Variants in PID1 observed in about 807,000 individuals in gnomAD.
PID1 encodes phosphotyrosine interaction domain containing 1, also known as PTB-containing, cubilin and LRP1-interacting protein.
A neutral mutation model predicts 19.1 loss-of-function variants in PID1; 10 were observed. The ratio of observed to expected loss-of-function variants is 0.52; its 90% CI spans 0.32 to 0.89. The LOEUF is 0.89. Among genes scored for constraint, PID1 ranks in the 40% least tolerant of loss-of-function variants. The probability of loss-of-function intolerance (pLI) is 0.03; values close to 1 mark genes in which losing one functional copy is unlikely to be tolerated. For missense variants in PID1, 248 were observed against 285.3 expected, an observed-to-expected ratio of 0.87 and a Z score of 0.94; for synonymous variants, 130 against 116.0, an observed-to-expected ratio of 1.12 and a Z score of -0.78.
At chr2:229,196,139 A>C (rs895549069) in intron 1 of PID1, among the ~76,000 whole-genome samples, 2 of 152,074 alleles carry the variant, frequency 1.3e-5, no homozygotes, top group African/African-American at 4.8e-5. Context: ...AAAAATCATA[A>C]CTCAGTAATA....
At position 229,118,125 on chromosome 2, in the gene PID1, G is replaced by A. The variant is rs115218275; in HGVS notation, c.177+37693C>T. 4.3e-4 allele frequency among the ~76,000 whole-genome samples: 66 copies of A among 152,228 alleles called. 1 individual carries two copies. Among genetic ancestry groups the A allele is most frequent in the African/African-American group, 1.5e-3 (64 of 41,546 alleles). On this transcript the variant is annotated intron_variant, in intron 2 of 2. Coordinates refer to ENST00000392055, the MANE Select transcript of PID1 (RefSeq NM_001100818.2). ...TCAATAAATACTTGAGGAGTAAATC[G>A]ATAAATGAATGAATGCATCACAAAG...
intron 1 of PID1, among the ~76,000 whole-genome samples, chr2:229,226,651 G>C (rs1692083354): frequency 1.3e-5 from 2 of 152,152 alleles, no homozygotes; most frequent in African/African-American, 4.8e-5. Flanking sequence ...CAACACCCAA[G>C]TGTACGAGGA....
intron 1 of PID1, among the ~76,000 whole-genome samples, chr2:229,194,036 T>C (rs2106234104): frequency 1.3e-5 from 2 of 152,248 alleles, no homozygotes; most frequent in Middle Eastern, 6.8e-3. Flanking sequence ...CTCCAGTCCC[T>C]TGCCACCAAG....
At chr2:229,202,319 T>C (rs1691515683) in intron 1 of PID1, among the ~76,000 whole-genome samples, 1 of 152,094 alleles carries the variant, frequency 6.6e-6, no homozygotes, top group South Asian at 2.1e-4. Flanking sequence ...GGCATCGATT[T>C]GCCTTTTATT....
chr2:229,258,891 A>T (rs1259509816), intron 1 of PID1, among the ~76,000 whole-genome samples: 1 of 151,356 alleles, frequency 6.6e-6, no homozygotes. Context: ...AAAGATGTTG[A>T]ACAAATCCGT....
Position 229,139,103 on chromosome 2 carries a change from GAA to G in PID1, c.177+16713_177+16714del, listed in dbSNP as rs764180591. On this transcript the variant is annotated intron_variant, in intron 2 of 2. Coordinates refer to ENST00000392055, the MANE Select transcript of PID1 (RefSeq NM_001100818.2). ...AGAAAGAAAGAAAGAAAGAAAGAAA[GAA>G]AGAAAGAAAGAGAAAGAAAGAAAGA... 7.5e-3 allele frequency among the ~76,000 whole-genome samples: 498 copies of G among 66,664 alleles called. 42 individuals are homozygous for G. The highest frequency in any genetic ancestry group is 0.025 in the African/African-American group (330 of 13,346). The allele number at this position is 66,664 out of a possible 152,430, so 43.7% of individuals were successfully genotyped here.
chr2:229,228,823 T>C (rs1172528464), intron 1 of PID1, among the ~76,000 whole-genome samples: 1 of 152,236 alleles, frequency 6.6e-6, no homozygotes, highest in African/African-American at 2.4e-5. Context: ...AAATACCATT[T>C]GTTCCTAAAA....
intron 1 of PID1, among the ~76,000 whole-genome samples, chr2:229,244,111 A>C (rs1689942551): frequency 6.6e-6 from 1 of 152,188 alleles, no homozygotes; most frequent in African/African-American, 2.4e-5. Flanking sequence ...TTATGTAAAC[A>C]AAATATGTTA....
intron 2 of PID1, among the ~76,000 whole-genome samples, chr2:229,123,391 T>C (rs1415975440): frequency 1.3e-5 from 2 of 152,256 alleles, no homozygotes; most frequent in South Asian, 2.1e-4. Flanking sequence ...GACTATTTTA[T>C]GGACATACTG....
intron 1 of PID1, among the ~76,000 whole-genome samples, chr2:229,242,337 A>C (rs1689890963): frequency 6.6e-6 from 1 of 152,178 alleles, no homozygotes; most frequent in Non-Finnish European, 1.5e-5. Flanking sequence ...CCATATAATA[A>C]GAACTGCATG....
intron 2 of PID1, among the ~76,000 whole-genome samples, chr2:229,153,113 A>C (rs1406620111): frequency 6.6e-6 from 1 of 152,224 alleles, no homozygotes; most frequent in African/African-American, 2.4e-5. Context: ...AAATTGGGGA[A>C]GATCTAAAAG....
intron 1 of PID1, among the ~76,000 whole-genome samples, chr2:229,214,842 T>C (rs1218342159): frequency 6.6e-6 from 1 of 151,854 alleles, no homozygotes; most frequent in Non-Finnish European, 1.5e-5. Flanking sequence ...CTTCTTTCAT[T>C]TTTATATAGA....
intron 2 of PID1, among the ~76,000 whole-genome samples, chr2:229,142,420 T>A (rs1273800442): frequency 6.6e-6 from 1 of 152,064 alleles, no homozygotes; most frequent in Non-Finnish European, 1.5e-5. Flanking sequence ...AAATTGATCA[T>A]AATGGAAAAC....
intron 1 of PID1, among the ~76,000 whole-genome samples, chr2:229,165,684 C>A (rs745619217): frequency 2.0e-5 from 3 of 152,062 alleles, no homozygotes; most frequent in Non-Finnish European, 2.9e-5. Context: ...CCAGAACTGA[C>A]AACAATGTTA....
chr2:229,110,789 A>G (rs1695281654), intron 2 of PID1, among the ~76,000 whole-genome samples: 1 of 152,144 alleles, frequency 6.6e-6, no homozygotes, highest in African/African-American at 2.4e-5. Flanking sequence ...GGAAGGATGC[A>G]TAGTCAGTGC....
At chr2:229,220,407 G>A (rs920850339) in intron 1 of PID1, among the ~76,000 whole-genome samples, 15 of 152,118 alleles carry the variant, frequency 9.9e-5, no homozygotes, top group Non-Finnish European at 1.8e-4. Flanking sequence ...AACTGATGAG[G>A]AAAATGAGTC....
intron 1 of PID1, among the ~76,000 whole-genome samples, chr2:229,167,972 A>C (rs1690636833): frequency 6.6e-6 from 1 of 152,200 alleles, no homozygotes; most frequent in African/African-American, 2.4e-5. Flanking sequence ...TTTTAGCATC[A>C]TGCAGCTACT....
intron 2 of PID1, among the ~76,000 whole-genome samples, chr2:229,039,246 T>G (rs1377897276): frequency 1.3e-5 from 2 of 152,210 alleles, no homozygotes. Context: ...AATATCCAAT[T>G]CTTTGTGTAA....
At chr2:229,040,314 C>A (rs1003026476) in intron 2 of PID1, among the ~76,000 whole-genome samples, 53 of 137,096 alleles carry the variant, frequency 3.9e-4, no homozygotes, top group African/African-American at 1.4e-3. Context: ...AGCAAGACAT[C>A]GTCAACAAAC....
Sources: gnomAD v4.1 joint callset for allele counts (sites outside exome capture counted in the v4.1 genomes callset) on GRCh38, gnomAD v4.1.1 for gene constraint, MANE v1.5 for transcripts, NCBI Gene and HGNC (gene_info 2026-07-23, HGNC 2026-07-21) for gene names.